Variants in VIL1 observed in about 807,000 individuals in gnomAD.
VIL1 encodes villin-1.
In VIL1, 86 loss-of-function variants were observed where a neutral mutation model predicts 104.0. The ratio of observed to expected loss-of-function variants is 0.83; its 90% CI spans 0.69 to 0.99. The LOEUF (loss-of-function observed/expected upper bound fraction) is 0.99, where lower values mean the gene tolerates loss of function less well. VIL1 is among the 50% of genes least tolerant of loss of function. The pLI is 0.00. For missense variants in VIL1, 944 were observed against 1,054.1 expected (o/e 0.90, Z 1.45); for synonymous variants, 394 against 412.6 (o/e 0.95, Z 0.55).
chr2:218,445,816 T>C (rs1689355357), intron 19 of VIL1, among the ~76,000 whole-genome samples: 1 of 152,156 alleles, frequency 6.6e-6, no homozygotes, highest in Non-Finnish European at 1.5e-5. Context: ...TGAGGGTATT[T>C]AGCTTGCCTT....
Position 218,419,140 on chromosome 2 carries a change from C to T in VIL1, c.-40C>T, listed in dbSNP as rs1424181178. The T allele has an allele frequency of 6.6e-6, 1 of 152,246 alleles. No homozygotes were observed. The highest frequency in any genetic ancestry group is 2.4e-5 in the African/African-American group (1 of 41,414). 9.4% of individuals were successfully genotyped at this position (152,246 alleles called of 1,614,324 possible). A position where few individuals can be genotyped will look rare whatever the true frequency, so the allele number is the denominator to read the frequency against. On this transcript the variant is annotated 5_prime_UTR_variant, in exon 1 of 20. Coordinates refer to ENST00000248444, the MANE Select transcript of VIL1 (RefSeq NM_007127.3). ...AGCTTGCCACAATTCCCTGAGATCT[C>T]CCAGGTGGCAGCTGCCTCCCCAAGA... is the stretch of plus-strand genomic sequence containing the variant.
At chr2:218,420,444 A>G (rs1451050214) in intron 1 of VIL1, among the ~76,000 whole-genome samples, 22 of 148,810 alleles carry the variant, frequency 1.5e-4, no homozygotes, top group Admixed American at 5.3e-4. Flanking sequence ...AAAAAAAAAA[A>G]AAAGAAAAGA....
At chr2:218,421,757 C>T (rs1376638450) in intron 1 of VIL1, among the ~76,000 whole-genome samples, 1 of 152,174 alleles carries the variant, frequency 6.6e-6, no homozygotes, top group Non-Finnish European at 1.5e-5. Flanking sequence ...GTCTCTGCTC[C>T]CCTGAATCCC....
rs1211328973 is a variant in VIL1, at chr2:218,438,660, C to G, written c.2163C>G (p.Asn721Lys). The G allele has an allele frequency of 6.2e-7, 1 of 1,611,620 alleles. No homozygotes were observed. Among genetic ancestry groups the G allele is most frequent in the Non-Finnish European group, 8.5e-7 (1 of 1,179,336 alleles). The stretch of plus-strand genomic sequence containing the variant: ...TCTGTTATTTACTTTATGTGCAGAA[C>G]ACCAAATCCTATGAGGACCTGAAGG... ...FLAWDPFKWS[N>K]TKSYEDLKAE... Residue 721 changes from asparagine to lysine, a missense_variant and splice_region_variant, in exon 18 of 20, where the codon AAC (asparagine) becomes AAG (lysine). By Grantham distance (94) the Asn-to-Lys change is moderately conservative. Coordinates refer to ENST00000248444, the MANE Select transcript of VIL1 (RefSeq NM_007127.3).
chr2:218,420,817 C>T (rs567546267), intron 1 of VIL1, among the ~76,000 whole-genome samples: 1 of 152,230 alleles, frequency 6.6e-6, no homozygotes, highest in South Asian at 2.1e-4. Context: ...GATCTCCTGA[C>T]CTCGTGATCC....
At chr2:218,443,095 G>C (rs1161863108) in intron 19 of VIL1, among the ~76,000 whole-genome samples, 1 of 152,142 alleles carries the variant, frequency 6.6e-6, no homozygotes, top group Non-Finnish European at 1.5e-5. Context: ...GAGAGATGAA[G>C]TGACTTGCCT....
In VIL1 at chr2:218,425,707, C is replaced by T. The variant is rs2106390587; in HGVS notation, c.243C>T (p.Tyr81=). The T allele has an allele frequency of 6.2e-7, 1 of 1,614,204 alleles. No individual in the cohort carries two copies. The highest frequency in any genetic ancestry group is 8.5e-7 in the Non-Finnish European group (1 of 1,180,032). The change falls in exon 4 of 20, where the codon TAC becomes TAT. Residue 81 remains tyrosine, a synonymous_variant. Transcript: ENST00000248444. ...SLDEQGAAAI[Y]TTQMDDFLKG... ...ATGAGCAGGGGGCAGCTGCCATCTA[C>T]ACCACACAGATGGATGACTTCCTGA...
intron 19 of VIL1, among the ~76,000 whole-genome samples, chr2:218,444,913 G>A (rs1559151198): frequency 6.6e-6 from 1 of 152,178 alleles, no homozygotes; most frequent in Non-Finnish European, 1.5e-5. Context: ...TCTAGCCTGA[G>A]GGGTCAGAGT....
chr2:218,437,091 A>G, intron 16 of VIL1, 33 bp from the exon 17 acceptor site: 1 of 1,602,776 alleles, frequency 6.2e-7, no homozygotes, highest in Non-Finnish European at 8.5e-7. Flanking sequence ...GGAGGACAGG[A>G]AGGATGGACT....
rs200413004 is a variant in VIL1, at chr2:218,432,892, A to T, written c.1441A>T (p.Met481Leu). 1.2e-6 allele frequency: 2 copies of T among 1,614,220 alleles called. No homozygotes were observed. Among genetic ancestry groups the T allele is most frequent in the Admixed American group, 1.7e-5 (1 of 60,026 alleles). ...NGEPVQIRVP[M>L]GKEPPHLMSI... is the part of the protein sequence containing the mutation. Reference sequence around the variant, plus strand: ...TGAACCAGTCCAGATCCGGGTCCCAATGGGCAAGGAGCCACCTCATCTTAT... The same window carrying T: ...TGAACCAGTCCAGATCCGGGTCCCATTGGGCAAGGAGCCACCTCATCTTAT... The change falls in exon 13 of 20, where the codon ATG (methionine) becomes TTG (leucine). Residue 481 changes from methionine to leucine, a missense_variant. Transcript: ENST00000248444.
At chr2:218,441,124 C>T (rs1335027223) in intron 19 of VIL1, among the ~76,000 whole-genome samples, 3 of 152,212 alleles carry the variant, frequency 2.0e-5, no homozygotes, top group African/African-American at 7.2e-5. Flanking sequence ...TGCAGTGGCT[C>T]ATGCCTGTAA....
chr2:218,440,865 A>G lies in VIL1; in HGVS notation c.2370+3A>G. ...GTGTGGACCCCAGCAGGAAGGAGGT[A>G]GGTCAGATTCTCAAAGGAAGACAAA... On this transcript the variant is annotated splice_donor_region_variant and intron_variant, in intron 19 of 19. Transcript: ENST00000248444. The G allele has an allele frequency of 1.2e-6, 2 of 1,613,786 alleles. No homozygotes were observed. Among genetic ancestry groups the G allele is most frequent in the Admixed American group, 1.7e-5 (1 of 59,964 alleles).
chr2:218,435,313 A>G lies in VIL1; in HGVS notation c.1705A>G (p.Met569Val), dbSNP rs1268743345. Residue 569 changes from methionine (M) to valine (V), a missense_variant, in exon 15 of 20, where the codon ATG becomes GTG. Physicochemically the swap from Met to Val is conservative, Grantham distance 21 (BLOSUM62 1). Coordinates refer to ENST00000248444, the MANE Select transcript of VIL1 (RefSeq NM_007127.3). ...GKGCSGDEREMAKMVADTISR... is the reference protein window; with the variant it reads ...GKGCSGDEREVAKMVADTISR... ...GGGTTGTAGCGGGGACGAGCGGGAGATGGCCAAGATGGTTGCTGACACCAT... is the reference window on the plus strand; with the variant it reads ...GGGTTGTAGCGGGGACGAGCGGGAGGTGGCCAAGATGGTTGCTGACACCAT... The G allele has an allele frequency of 6.2e-7, 1 of 1,613,888 alleles. No homozygotes were observed. The highest frequency in any genetic ancestry group is 8.5e-7 in the Non-Finnish European group (1 of 1,179,912).
chr2:218,429,590 C>T lies in VIL1; in HGVS notation c.771-7C>T. 2 of 1,614,122 alleles carry T rather than the reference C, an allele frequency of 1.2e-6. No individual in the cohort carries two copies. Among genetic ancestry groups the T allele is most frequent in the Non-Finnish European group, 1.7e-6 (2 of 1,180,022 alleles). ...CTCCCCATCTATGCCTTGCTTCTGT[C>T]CTGCAGTGTGTCTGACTCCGAGGGG... On this transcript the variant is annotated splice_polypyrimidine_tract_variant and splice_region_variant and intron_variant, in intron 7 of 19. Transcript: ENST00000248444.
At chr2:218,430,964 C>T in intron 10 of VIL1, 86 bp downstream of exon 10, 2 of 1,513,224 alleles carry the variant, frequency 1.3e-6, no homozygotes, top group South Asian at 1.2e-5. Flanking sequence ...ACCCTCCTTC[C>T]CTGACGTGCA....
At position 218,436,516 on chromosome 2, in the gene VIL1, C is replaced by T; in HGVS notation, c.1861C>T (p.Leu621Phe). The T allele has an allele frequency of 6.2e-7, 1 of 1,614,126 alleles. No homozygotes were observed. ...AGAAAACCTGGTCATCACCCCCCGGCTCTTTGAGTGTTCCAACAAGACTGG... is the reference window on the plus strand; with the variant it reads ...AGAAAACCTGGTCATCACCCCCCGGTTCTTTGAGTGTTCCAACAAGACTGG... ...QEENLVITPR[L>F]FECSNKTGRF... is the part of the protein sequence containing the mutation. Residue 621 changes from leucine to phenylalanine, a missense_variant, in exon 16 of 20, where the codon CTC becomes TTC. Coordinates refer to ENST00000248444, the MANE Select transcript of VIL1 (RefSeq NM_007127.3).
chr2:218,421,287 G>C (rs1688896002), intron 1 of VIL1, among the ~76,000 whole-genome samples: 1 of 152,102 alleles, frequency 6.6e-6, no homozygotes, highest in African/African-American at 2.4e-5. Flanking sequence ...ACTCAAGGGA[G>C]TTTAGGTGGA....
intron 1 of VIL1, among the ~76,000 whole-genome samples, chr2:218,422,153 G>T (rs1317893602): frequency 2.0e-5 from 3 of 152,144 alleles, no homozygotes; most frequent in Non-Finnish European, 4.4e-5. Context: ...TACTTGGGGG[G>T]CTGAGGCAGG....
At chr2:218,448,153 G>A (rs1013237178) in intron 19 of VIL1, among the ~76,000 whole-genome samples, 5 of 151,924 alleles carry the variant, frequency 3.3e-5, no homozygotes, top group Non-Finnish European at 5.9e-5. Flanking sequence ...CCAGCTACTC[G>A]GGAGGCTGAG....
Sources: gnomAD v4.1 joint callset for allele counts (sites outside exome capture counted in the v4.1 genomes callset) on GRCh38, gnomAD v4.1.1 for gene constraint, MANE v1.5 for transcripts, NCBI Gene and HGNC (gene_info 2026-07-23, HGNC 2026-07-21) for gene names.